BRCA1: variants seen among roughly 807,000 people sequenced by gnomAD.
The protein encoded by BRCA1 is BRCA1 DNA repair associated.
A neutral mutation model predicts 173.7 loss-of-function variants in BRCA1; 140 were observed. The ratio of observed to expected loss-of-function variants is 0.81; its 90% CI spans 0.70 to 0.93. The LOEUF is 0.93. Ranked by LOEUF, BRCA1 falls within the 40% of genes least tolerant of loss-of-function variation. The pLI, the probability that BRCA1 is intolerant of heterozygous loss-of-function variation, is 0.00. For missense variants in BRCA1, 1,983 were observed against 2,172.5 expected, an observed-to-expected ratio of 0.91 and a Z score of 1.73; for synonymous variants, 662 against 756.0, an observed-to-expected ratio of 0.88 and a Z score of 2.04.
intron 14 of BRCA1, 79 bp downstream of exon 14, chr17:43,074,252 T>C (rs2052579969): frequency 2.0e-6 from 3 of 1,489,984 alleles, no homozygotes; most frequent in African/African-American, 2.8e-5. Context: ...CATCTAAAAG[T>C]TGGTTAACCA....
intron 1 of BRCA1, among the ~76,000 whole-genome samples, chr17:43,133,822 A>G (rs574878838): frequency 4.4e-4 from 67 of 152,164 alleles, no homozygotes; most frequent in Middle Eastern, 6.8e-3. Context: ...TTTAGTAGAG[A>G]TGGGGTTTCA....
rs755789142 is a variant in BRCA1 at position 43,092,800 on chromosome 17, CTTGATTTTCTTCCTT to C, written c.2716_2730del (p.Lys906_Gln910del). 4 of 1,613,902 alleles carry C rather than the reference CTTGATTTTCTTCCTT, an allele frequency of 2.5e-6. No individual in the cohort carries two copies. Among genetic ancestry groups the C allele is most frequent in the Non-Finnish European group, 3.4e-6 (4 of 1,179,928 alleles). On this transcript the variant is annotated inframe_deletion, in exon 10 of 23. Transcript: ENST00000357654. Reference sequence around the variant, plus strand: ...GGCTTGATATTAGACTCATTCTTTCCTTGATTTTCTTCCTTTTGTTCACATTCAAAAGTGACTTTT... The same window carrying C: ...GGCTTGATATTAGACTCATTCTTTCCTTGTTCACATTCAAAAGTGACTTTT...
rs1397842308 is a variant in BRCA1, at chr17:43,094,090, G to T, written c.1441C>A (p.Leu481Ile). The T allele has an allele frequency of 6.2e-7, 1 of 1,614,074 alleles. No individual in the cohort carries two copies. Among genetic ancestry groups the T allele is most frequent in the Non-Finnish European group, 8.5e-7 (1 of 1,179,998 alleles). Residue 481 changes from leucine (L) to isoleucine (I), a missense_variant, in exon 10 of 23, where the codon CTA (leucine) becomes ATA (isoleucine). Leu to Ile is a conservative substitution (Grantham distance 5). Transcript: ENST00000357654. ...LPNLSHVTEN[L>I]IIGAFVTEPQ... is the part of the protein sequence containing the mutation. ...TCAGTAACAAATGCTCCTATAATTA[G>T]ATTTTCAGTTACATGGCTTAAGTTG...
intron 6 of BRCA1, among the ~76,000 whole-genome samples, chr17:43,102,674 A>G (rs1377841487): frequency 6.7e-6 from 1 of 149,934 alleles, no homozygotes; most frequent in African/African-American, 2.5e-5. Context: ...TTTTTTTGCA[A>G]CTAGATCTTG....
At chr17:43,106,573 T>A (rs1459721671) in intron 3 of BRCA1, 40 bp from the exon 4 acceptor site, 5 of 1,435,320 alleles carry the variant, frequency 3.5e-6, no homozygotes, top group African/African-American at 1.4e-5. Flanking sequence ...TTAATTTACT[T>A]CCTTTTGTAG....
chr17:43,096,589 A>C (rs1300746183), intron 8 of BRCA1, among the ~76,000 whole-genome samples: 4 of 151,502 alleles, frequency 2.6e-5, no homozygotes, highest in Non-Finnish European at 5.9e-5. Context: ...AAAAAAAAAA[A>C]ACCTGGGTCA....
intron 12 of BRCA1, among the ~76,000 whole-genome samples, chr17:43,081,121 C>T (rs1215229094): frequency 1.3e-5 from 2 of 152,064 alleles, no homozygotes; most frequent in Admixed American, 1.3e-4. Flanking sequence ...TTCAAAGTCA[C>T]ACAATAATAA....
intron 1 of BRCA1, among the ~76,000 whole-genome samples, chr17:43,155,668 G>A (rs1453788287): frequency 1.3e-5 from 2 of 152,132 alleles, no homozygotes; most frequent in Non-Finnish European, 2.9e-5. Context: ...AAGTAGCTGG[G>A]ACTACAGGCG....
intron 18 of BRCA1, 92 bp from the exon 19 acceptor site, chr17:43,057,227 A>G (rs1048230980): frequency 1.6e-5 from 21 of 1,285,938 alleles, no homozygotes; most frequent in Non-Finnish European, 4.5e-6. Context: ...TAAGGCATTC[A>G]GGCCAGGCGC....
chr17:43,075,404 G>A (rs1190150880), intron 13 of BRCA1, among the ~76,000 whole-genome samples: 1 of 152,128 alleles, frequency 6.6e-6, no homozygotes, highest in Non-Finnish European at 1.5e-5. Flanking sequence ...GCTCTTCCAA[G>A]TGCTTAGGAC....
chr17:43,091,316 TAAG>T lies in BRCA1; in HGVS notation c.4096+116_4096+118del, dbSNP rs765266479. The T allele has an allele frequency of 2.3e-5, 30 of 1,325,934 alleles. No homozygotes were observed. The South Asian group carries it at 2.3e-4, about 10-fold the overall frequency. The allele number at this position is 1,325,934 out of a possible 1,614,324, so 82.1% of individuals were successfully genotyped here. On this transcript the variant is annotated intron_variant, in intron 10 of 22. Coordinates refer to ENST00000357654, the MANE Select transcript of BRCA1 (RefSeq NM_007294.4). ...CCTTAGGAGGAACATGTTTCAAGTT[TAAG>T]AAGCAGTTCCTTTAACTATACTTGG...
intron 4 of BRCA1, among the ~76,000 whole-genome samples, chr17:43,105,192 C>T (rs1038798606): frequency 1.3e-5 from 2 of 152,060 alleles, no homozygotes; most frequent in African/African-American, 2.4e-5. Flanking sequence ...TAATACTGCC[C>T]TAAATCCACA....
upstream of BRCA1, among the ~76,000 whole-genome samples, chr17:43,130,089 G>T (rs1237492151): frequency 6.6e-6 from 1 of 152,202 alleles, no homozygotes; most frequent in Non-Finnish European, 1.5e-5. Flanking sequence ...AGTCTTAATT[G>T]TAGTGTTTTA....
intron 20 of BRCA1, among the ~76,000 whole-genome samples, 190 bp from the exon 21 acceptor site, chr17:43,049,384 G>A (rs2051109114): frequency 6.6e-6 from 1 of 152,056 alleles, no homozygotes; most frequent in African/African-American, 2.4e-5. Flanking sequence ...CCACTGATAT[G>A]CCATGTACTC....
intron 15 of BRCA1, among the ~76,000 whole-genome samples, chr17:43,070,660 C>T (rs894052469): frequency 2.0e-5 from 3 of 152,084 alleles, no homozygotes; most frequent in Non-Finnish European, 4.4e-5. Flanking sequence ...AATTCCAATT[C>T]GAAAGTCCTA....
At chr17:43,119,808 A>G (rs2055466385) in intron 2 of BRCA1, among the ~76,000 whole-genome samples, 2 of 152,236 alleles carry the variant, frequency 1.3e-5, no homozygotes, top group South Asian at 2.1e-4. Flanking sequence ...CACTGACTCA[A>G]TTCTGAAACA....
At chr17:43,116,348 C>T (rs1282867043) in intron 2 of BRCA1, among the ~76,000 whole-genome samples, 1 of 152,150 alleles carries the variant, frequency 6.6e-6, no homozygotes, top group Non-Finnish European at 1.5e-5. Flanking sequence ...CCCATATCCA[C>T]CCCTACCCCA....
intron 1 of BRCA1, among the ~76,000 whole-genome samples, chr17:43,150,054 T>C (rs1238291511): frequency 6.6e-6 from 1 of 152,142 alleles, no homozygotes; most frequent in East Asian, 1.9e-4. Flanking sequence ...CCTCCCAAAG[T>C]GCTGGGATTA....
intron 22 of BRCA1, 150 bp from the exon 23 acceptor site, chr17:43,045,952 T>G (rs924345973): frequency 9.6e-7 from 1 of 1,036,816 alleles, no homozygotes; most frequent in Non-Finnish European, 1.4e-6. Context: ...AGACGGAGTC[T>G]TGCTCTGTCG....
Sources: gnomAD v4.1 joint callset for allele counts (sites outside exome capture counted in the v4.1 genomes callset) on GRCh38, gnomAD v4.1.1 for gene constraint, MANE v1.5 for transcripts, NCBI Gene and HGNC (gene_info 2026-07-23, HGNC 2026-07-21) for gene names.